IRS1: variants seen among roughly 807,000 people sequenced by gnomAD.
IRS1 encodes insulin receptor substrate 1.
In IRS1, 34 loss-of-function variants were observed where a neutral mutation model predicts 65.6. The observed-to-expected ratio is 0.52, with a 90% confidence interval of 0.39 to 0.69. IRS1 has a LOEUF of 0.69. IRS1 is among the 30% of genes least tolerant of loss of function. The pLI, the probability that IRS1 is intolerant of heterozygous loss-of-function variation, is 0.00. For synonymous variants in IRS1, 699 were observed against 683.5 expected (o/e 1.02, Z -0.35); for missense variants, 1,641 against 1,720.2 (o/e 0.95, Z 0.81).
At chr2:226,748,249 T>A (rs1938595453) in intron 1 of IRS1, among the ~76,000 whole-genome samples, 1 of 151,558 alleles carries the variant, frequency 6.6e-6, no homozygotes, top group Admixed American at 6.6e-5. Context: ...GGCCAAATGA[T>A]GAAACCCCAT....
Position 226,797,270 on chromosome 2 carries a change from T to C in IRS1, c.1469A>G (p.Asn490Ser), listed in dbSNP as rs1362638375. 3 of 1,613,444 alleles carry C rather than the reference T, an allele frequency of 1.9e-6. No individual in the cohort carries two copies. Among genetic ancestry groups the C allele is most frequent in the East Asian group, 2.2e-5 (1 of 44,856 alleles). Reference protein sequence around the residue: ...NGHYILSRGGNGHRCTPGTGL... With the variant: ...NGHYILSRGGSGHRCTPGTGL... ...TGTTCCTGGGGTGCAGCGGTGGCCA[T>C]TGCCACCCCGAGACAAAATGTAGTG... The change falls in exon 1 of 2, where the codon AAT becomes AGT. Residue 490 changes from asparagine to serine, a missense_variant. Coordinates refer to ENST00000305123, the MANE Select transcript of IRS1 (RefSeq NM_005544.3). The surrounding 1 kb of genome is among the most constrained non-coding windows in gnomAD (Gnocchi z 8.1).
intron 1 of IRS1, among the ~76,000 whole-genome samples, chr2:226,784,686 G>A (rs753204751): frequency 6.6e-6 from 1 of 152,168 alleles, no homozygotes; most frequent in Admixed American, 6.5e-5. Context: ...GCCTCCCAAA[G>A]TGCTGGGATT....
At position 226,793,678 on chromosome 2, in the gene IRS1, A is replaced by G. The variant is rs781294314; in HGVS notation, c.*21+1311T>C. 2.2e-4 allele frequency among the ~76,000 whole-genome samples: 34 copies of G among 152,226 alleles called. 1 individual carries two copies. The highest frequency in any genetic ancestry group is 4.4e-4 in the Non-Finnish European group (30 of 68,036). On this transcript the variant is annotated intron_variant, in intron 1 of 1. Coordinates refer to ENST00000305123, the MANE Select transcript of IRS1 (RefSeq NM_005544.3). The stretch of plus-strand genomic sequence containing the variant: ...ATTAATTTCTTATGAATGGACACAA[A>G]TTAAGAAAAATCAGTGCTTTTAAAA...
chr2:226,767,019 TA>T lies in IRS1; in HGVS notation c.*21+27969del, dbSNP rs766001654. 2.9e-3 allele frequency among the ~76,000 whole-genome samples: 415 copies of T among 140,798 alleles called. 2 individuals are homozygous for T. The highest frequency in any genetic ancestry group is 6.4e-3 in the East Asian group (32 of 4,982). 92.4% of individuals were successfully genotyped at this position (140,798 alleles called of 152,430 possible). ...TTCCAGGAAGTTAGTAAAATCAAGT[TA>T]AAAAAAAAAAAGGCAATGAAGGTCA... is the stretch of plus-strand genomic sequence containing the variant. On this transcript the variant is annotated intron_variant, in intron 1 of 1. Coordinates refer to ENST00000305123, the MANE Select transcript of IRS1 (RefSeq NM_005544.3).
In IRS1 at chr2:226,735,837, G is replaced by A. The variant is rs896584471; in HGVS notation, c.*435C>T. The A allele has an allele frequency of 1.3e-5, 2 of 152,548 alleles. No individual in the cohort carries two copies. The highest frequency in any genetic ancestry group is 2.9e-5 in the Non-Finnish European group (2 of 68,022). 9.4% of individuals were successfully genotyped at this position (152,548 alleles called of 1,614,324 possible). On this transcript the variant is annotated 3_prime_UTR_variant, in exon 2 of 2. Transcript: ENST00000305123. ...ATATTTAATACTCTCTCCACCCAAC[G>A]TGAACAGTTTTGTATGAAATAATTT...
intron 1 of IRS1, among the ~76,000 whole-genome samples, chr2:226,787,364 ACTTTTGCCCTTT>A (rs1939506925): frequency 6.6e-6 from 1 of 152,150 alleles, no homozygotes; most frequent in Non-Finnish European, 1.5e-5. Flanking sequence ...CTAGATGGGC[ACTTTTGCCCTTT>A]AGGTTTATGA....
At chr2:226,762,147 TG>T (rs1938927558) in intron 1 of IRS1, among the ~76,000 whole-genome samples, 2 of 152,236 alleles carry the variant, frequency 1.3e-5, no homozygotes, top group South Asian at 4.1e-4. Context: ...GAGTTTGGTT[TG>T]ATTTATTAAT....
chr2:226,793,568 A>G (rs558118566), intron 1 of IRS1, among the ~76,000 whole-genome samples: 10 of 152,376 alleles, frequency 6.6e-5, no homozygotes, highest in Admixed American at 2.0e-4. Flanking sequence ...ATAGAGAATT[A>G]TATGGATCAA....
Position 226,796,836 on chromosome 2 carries a change from T to A in IRS1, c.1903A>T (p.Met635Leu). Residue 635 changes from methionine to leucine, a missense_variant, in exon 1 of 2, where the codon ATG becomes TTG. Transcript: ENST00000305123. The part of the protein sequence containing the change: ...GRKGSGDYMP[M>L]SPKSVSAPQQ... ...GGGGCAGATACGCTCTTGGGGCTCATGGGCATATAGTCTCCACTGCCCTTT... is the reference window on the plus strand; with the variant it reads ...GGGGCAGATACGCTCTTGGGGCTCAAGGGCATATAGTCTCCACTGCCCTTT... The A allele has an allele frequency of 6.4e-7, 1 of 1,557,218 alleles. No individual in the cohort carries two copies. The highest frequency in any genetic ancestry group is 8.7e-7 in the Non-Finnish European group (1 of 1,149,560).
rs1230250404 is a variant in IRS1, at chr2:226,796,552, T to A, written c.2187A>T (p.Thr729=). 4 of 1,614,110 alleles carry A rather than the reference T, an allele frequency of 2.5e-6. No homozygotes were observed. Among genetic ancestry groups the A allele is most frequent in the African/African-American group, 2.7e-5 (2 of 75,056 alleles). ...ESSGGKLLPC[T]GDYMNMSPVG... ...CTGGTGACATGTTCATGTAGTCACC[T>A]GTGCAAGGTAAGAGCTTACCACCGC... is the stretch of plus-strand genomic sequence containing the variant. Residue 729 remains threonine (T), a synonymous_variant, in exon 1 of 2, where the codon ACA becomes ACT. Coordinates refer to ENST00000305123, the MANE Select transcript of IRS1 (RefSeq NM_005544.3).
intron 1 of IRS1, among the ~76,000 whole-genome samples, chr2:226,780,596 A>G (rs1939361307): frequency 6.6e-6 from 1 of 152,166 alleles, no homozygotes; most frequent in South Asian, 2.1e-4. Flanking sequence ...CTACTGTTGG[A>G]AGCACAAAAA....
intron 1 of IRS1, among the ~76,000 whole-genome samples, chr2:226,768,335 C>T (rs1559152596): frequency 6.6e-6 from 1 of 152,218 alleles, no homozygotes; most frequent in African/African-American, 2.4e-5. Context: ...TGATTCACCA[C>T]ATAGTCTCTG....
intron 1 of IRS1, among the ~76,000 whole-genome samples, chr2:226,771,538 T>C (rs1939164966): frequency 6.6e-6 from 1 of 152,196 alleles, no homozygotes; most frequent in South Asian, 2.1e-4. Flanking sequence ...GTAGTTTCGT[T>C]ATTTTGCTTT....
In IRS1 at chr2:226,796,211, C is replaced by T. The variant is rs200297617; in HGVS notation, c.2528G>A (p.Arg843Gln). Residue 843 changes from arginine (R) to glutamine (Q), a missense_variant, in exon 1 of 2, where the codon CGA (arginine) becomes CAA (glutamine). Transcript: ENST00000305123. The stretch of plus-strand genomic sequence containing the variant: ...GGTCTGAGCAGCTGTGTCCACCTTT[C>T]GAGGCAGATGGGGCTGCAGAACCTG... ...HHQVLQPHLP[R>Q]KVDTAAQTNS... 84 of 1,613,184 alleles carry T rather than the reference C, an allele frequency of 5.2e-5. No homozygotes were observed. Among genetic ancestry groups the T allele is most frequent in the Admixed American group, 1.2e-4 (7 of 59,984 alleles).
chr2:226,743,175 A>C (rs1938473786), intron 1 of IRS1, among the ~76,000 whole-genome samples: 2 of 152,232 alleles, frequency 1.3e-5, no homozygotes, highest in Admixed American at 6.5e-5. Flanking sequence ...AAAAACAAAA[A>C]AAAAAAGTCC....
At position 226,795,129 on chromosome 2, in the gene IRS1, G is replaced by T. The variant is rs759960668; in HGVS notation, c.3610C>A (p.Pro1204Thr). Residue 1204 changes from proline to threonine, a missense_variant, in exon 1 of 2, where the codon CCC (proline) becomes ACC (threonine). Around this residue, in one of 3 missense-constraint regions of IRS1, gnomAD observed 1,324 missense variants for 1,361.0 expected, o/e 0.97. Transcript: ENST00000305123. ...ECTPEPQPPP[P>T]PPPHQPLGSG... is the part of the protein sequence containing the mutation. ...CCCAGGGGTTGATGAGGGGGTGGGGGTGGGGGAGGCTGCGGTTCAGGGGTG... is the reference window on the plus strand; with the variant it reads ...CCCAGGGGTTGATGAGGGGGTGGGGTTGGGGGAGGCTGCGGTTCAGGGGTG... 1.9e-6 allele frequency: 3 copies of T among 1,601,412 alleles called. No individual in the cohort carries two copies. Among genetic ancestry groups the T allele is most frequent in the Non-Finnish European group, 1.7e-6 (2 of 1,171,078 alleles).
Position 226,784,681 on chromosome 2 carries a change from C to A in IRS1, c.*21+10308G>T, listed in dbSNP as rs149365416. Among the ~76,000 whole-genome samples, 1,296 of 152,344 alleles carry A rather than the reference C, an allele frequency of 8.5e-3. 16 individuals are homozygous for A. Among genetic ancestry groups the A allele is most frequent in the African/African-American group, 0.03 (1,237 of 41,580 alleles). On this transcript the variant is annotated intron_variant, in intron 1 of 1. Coordinates refer to ENST00000305123, the MANE Select transcript of IRS1 (RefSeq NM_005544.3). ...CAGGTGATCCACCCACCTCAGCCTC[C>A]CAAAGTGCTGGGATTACAGGCATGA...
intron 1 of IRS1, chr2:226,792,303 G>A (rs1939627501): frequency 6.6e-6 from 1 of 152,170 alleles, no homozygotes; most frequent in East Asian, 1.9e-4. Flanking sequence ...TGCTATGACC[G>A]AGTCTGAGAG....
chr2:226,749,440 C>T (rs1331888575), intron 1 of IRS1, among the ~76,000 whole-genome samples: 1 of 152,166 alleles, frequency 6.6e-6, no homozygotes, highest in Admixed American at 6.5e-5. Flanking sequence ...GTGGGAATTT[C>T]CAGTAGAAAC....
Sources: gnomAD v4.1 joint callset for allele counts (sites outside exome capture counted in the v4.1 genomes callset) on GRCh38, gnomAD v4.1.1 for gene constraint, gnomAD v4.1.1 regional missense constraint, Gnocchi (gnomAD v3.1) non-coding constraint, MANE v1.5 for transcripts, NCBI Gene and HGNC (gene_info 2026-07-23, HGNC 2026-07-21) for gene names.